The following FBXL17 variants were observed in gnomAD, a reference collection of about 807,000 sequenced individuals.
FBXL17 encodes F-box/LRR-repeat protein 17.
In FBXL17, 22 loss-of-function variants were observed where a neutral mutation model predicts 66.2. The observed-to-expected ratio is 0.33, with a 90% CI of 0.24 to 0.47. The LOEUF is 0.47. Among genes scored for constraint, FBXL17 ranks in the 20% least tolerant of loss-of-function variants. The pLI is 1.00. For synonymous variants in FBXL17, 474 were observed against 400.5 expected (o/e 1.18, Z -2.19); for missense variants, 878 against 948.2 (o/e 0.93, Z 0.97).
chr5:107,938,022 A>G (rs1034619174), intron 7 of FBXL17, among the ~76,000 whole-genome samples: 2 of 152,140 alleles, frequency 1.3e-5, no homozygotes, highest in African/African-American at 4.8e-5. Context: ...TCAGCATCAC[A>G]TGTGAGTAAT....
chr5:108,335,090 T>C (rs77204784), intron 4 of FBXL17, among the ~76,000 whole-genome samples: 3 of 152,290 alleles, frequency 2.0e-5, no homozygotes, highest in East Asian at 3.9e-4. Flanking sequence ...CTTAAGGCAT[T>C]GATAGTACTA....
chr5:108,017,647 G>A (rs781003491), intron 7 of FBXL17, among the ~76,000 whole-genome samples: 1 of 152,142 alleles, frequency 6.6e-6, no homozygotes, highest in Non-Finnish European at 1.5e-5. Context: ...AATTTTAACC[G>A]AACTCTCTGA....
intron 6 of FBXL17, among the ~76,000 whole-genome samples, chr5:108,022,133 T>C (rs865828845): frequency 6.6e-5 from 10 of 152,024 alleles, no homozygotes; most frequent in African/African-American, 2.4e-4. Flanking sequence ...GGAATTTTGT[T>C]TTAATGGAAT....
chr5:107,962,588 T>G (rs1341848703), intron 7 of FBXL17, among the ~76,000 whole-genome samples: 6 of 152,142 alleles, frequency 3.9e-5, no homozygotes. Context: ...AATTTTTAAA[T>G]TGATATTGCT....
chr5:108,353,244 T>C (rs529320029), intron 3 of FBXL17, among the ~76,000 whole-genome samples: 7 of 152,254 alleles, frequency 4.6e-5, no homozygotes, highest in African/African-American at 1.7e-4. Context: ...ACCAAACCAC[T>C]GCCACAAAAC....
At chr5:108,134,281 TAGAG>T (rs376987239) in intron 6 of FBXL17, among the ~76,000 whole-genome samples, 114 of 152,144 alleles carry the variant, frequency 7.5e-4, no homozygotes, top group African/African-American at 2.7e-3. Context: ...GAGTTGTAAA[TAGAG>T]AGAATCCATC....
At chr5:108,256,983 T>G (rs1249075853) in intron 4 of FBXL17, among the ~76,000 whole-genome samples, 3 of 152,184 alleles carry the variant, frequency 2.0e-5, no homozygotes, top group Non-Finnish European at 4.4e-5. Flanking sequence ...TTTAGCATTT[T>G]CAGGAGCAAC....
At chr5:107,949,639 A>T (rs1751434198) in intron 7 of FBXL17, among the ~76,000 whole-genome samples, 1 of 152,168 alleles carries the variant, frequency 6.6e-6, no homozygotes, top group African/African-American at 2.4e-5. Flanking sequence ...CTGAATGATC[A>T]CCCTTTTAGA....
At chr5:108,367,197 A>G (rs1748721450) in intron 2 of FBXL17, among the ~76,000 whole-genome samples, 1 of 152,148 alleles carries the variant, frequency 6.6e-6, no homozygotes, top group African/African-American at 2.4e-5. Context: ...ATCAAGTTTT[A>G]AAAATGGAAT....
chr5:108,204,189 T>C (rs1359358133), intron 5 of FBXL17, among the ~76,000 whole-genome samples: 2 of 152,074 alleles, frequency 1.3e-5, no homozygotes, highest in African/African-American at 4.8e-5. Context: ...AGTTATTTAA[T>C]ATAAGGTCTT....
intron 4 of FBXL17, among the ~76,000 whole-genome samples, chr5:108,314,422 A>G (rs1004176927): frequency 6.6e-6 from 1 of 151,640 alleles, no homozygotes; most frequent in Non-Finnish European, 1.5e-5. Context: ...AGACTATCCC[A>G]TAAGTCAGTT....
At chr5:108,159,231 C>T (rs1039953440) in intron 6 of FBXL17, among the ~76,000 whole-genome samples, 5 of 152,106 alleles carry the variant, frequency 3.3e-5, no homozygotes, top group African/African-American at 9.7e-5. Flanking sequence ...ACTTTCCTTT[C>T]GCTTTTTCTT....
At chr5:108,211,599 G>A (rs765477742) in intron 5 of FBXL17, among the ~76,000 whole-genome samples, 5 of 152,106 alleles carry the variant, frequency 3.3e-5, no homozygotes, top group African/African-American at 9.7e-5. Flanking sequence ...TAGTTTGGCT[G>A]GATATGAAAT....
At chr5:108,097,963 C>T (rs1048802849) in intron 6 of FBXL17, among the ~76,000 whole-genome samples, 1 of 151,634 alleles carries the variant, frequency 6.6e-6, no homozygotes, top group Admixed American at 6.6e-5. Flanking sequence ...TTTATCTGTC[C>T]ACAACCCCTA....
At chr5:108,363,814 G>A (rs1748492644) in intron 3 of FBXL17, among the ~76,000 whole-genome samples, 1 of 151,816 alleles carries the variant, frequency 6.6e-6, no homozygotes, top group African/African-American at 2.4e-5. Context: ...GTTTCATTGT[G>A]AAAAATAAAT....
At chr5:107,887,478 G>C (rs1749012972) in intron 7 of FBXL17, among the ~76,000 whole-genome samples, 3 of 152,152 alleles carry the variant, frequency 2.0e-5, no homozygotes, top group Admixed American at 2.0e-4. Context: ...CAGAAGAAAA[G>C]CCCTAGTGCT....
chr5:108,143,238 G>T (rs1037096942), intron 6 of FBXL17, among the ~76,000 whole-genome samples: 3 of 151,712 alleles, frequency 2.0e-5, no homozygotes, highest in African/African-American at 7.3e-5. Flanking sequence ...GCTTAAAGGA[G>T]AAAATATAAC....
At chr5:108,099,985 A>G (rs997532295) in intron 6 of FBXL17, among the ~76,000 whole-genome samples, 6 of 152,182 alleles carry the variant, frequency 3.9e-5, no homozygotes, top group African/African-American at 7.2e-5. Flanking sequence ...GTATTCCAAT[A>G]TAGTAATGTT....
chr5:107,967,144 T>C (rs1752174009), intron 7 of FBXL17, among the ~76,000 whole-genome samples: 1 of 152,076 alleles, frequency 6.6e-6, no homozygotes, highest in African/African-American at 2.4e-5. Context: ...TTGGAGTCCT[T>C]GTGAGTTAGG....
Sources: gnomAD v4.1 joint callset for allele counts (sites outside exome capture counted in the v4.1 genomes callset) on GRCh38, gnomAD v4.1.1 for gene constraint, MANE v1.5 for transcripts, NCBI Gene and HGNC (gene_info 2026-07-23, HGNC 2026-07-21) for gene names.